ADAM9: variants seen among roughly 807,000 people sequenced by gnomAD.
ADAM9 encodes the protein disintegrin and metalloproteinase domain-containing protein 9.
Under a neutral mutation model 108.1 loss-of-function variants are expected in ADAM9, and 54 were observed. The ratio of observed to expected loss-of-function variants is 0.50; its 90% CI spans 0.40 to 0.63. The LOEUF is 0.63. Among genes scored for constraint, ADAM9 ranks in the 20% least tolerant of loss-of-function variants. The pLI, the probability that ADAM9 is intolerant of heterozygous loss-of-function variation, is 0.00. For missense variants in ADAM9, 830 were observed against 997.7 expected, an observed-to-expected ratio of 0.83 and a Z score of 2.26; for synonymous variants, 316 against 336.0, an observed-to-expected ratio of 0.94 and a Z score of 0.65.
At chr8:39,084,596 A>T (rs866147474) in intron 18 of ADAM9, among the ~76,000 whole-genome samples, 13 of 148,064 alleles carry the variant, frequency 8.8e-5, no homozygotes, top group South Asian at 2.1e-4. Context: ...TTTTTTTTTT[A>T]AACTTGTCTT....
chr8:39,045,218 A>G lies in ADAM9; in HGVS notation c.1302+3101A>G, dbSNP rs564911934. Among the ~76,000 whole-genome samples, 193 of 144,610 alleles carry G rather than the reference A, an allele frequency of 1.3e-3. 19 individuals carry two copies. Among genetic ancestry groups the G allele is most frequent in the Non-Finnish European group, 2.5e-3 (163 of 64,698 alleles). 94.9% of individuals were successfully genotyped at this position (144,610 alleles called of 152,430 possible). A position where few individuals can be genotyped will look rare whatever the true frequency, so the allele number is the denominator to read the frequency against. On this transcript the variant is annotated intron_variant, in intron 12 of 21. Coordinates refer to ENST00000487273, the MANE Select transcript of ADAM9 (RefSeq NM_003816.3). ...TATATGTGTATATATGTGTATACAT[A>G]CATATATGTGTATATATGTGTATAC...
At chr8:39,030,156 A>G (rs750097228) in intron 11 of ADAM9, among the ~76,000 whole-genome samples, 3 of 152,160 alleles carry the variant, frequency 2.0e-5, no homozygotes, top group Non-Finnish European at 4.4e-5. Flanking sequence ...TGTGCATTCT[A>G]TGGGTATGAA....
At chr8:39,057,909 A>G (rs1054736834) in intron 14 of ADAM9, among the ~76,000 whole-genome samples, 1 of 152,126 alleles carries the variant, frequency 6.6e-6, no homozygotes, top group Non-Finnish European at 1.5e-5. Flanking sequence ...GGTAAAATTA[A>G]CCCTCATCAA....
At chr8:39,064,415 C>T (rs779810047) in intron 14 of ADAM9, among the ~76,000 whole-genome samples, 29 of 152,128 alleles carry the variant, frequency 1.9e-4, no homozygotes, top group Non-Finnish European at 3.4e-4. Flanking sequence ...TGGATATATA[C>T]ATATTATATA....
intron 15 of ADAM9, among the ~76,000 whole-genome samples, chr8:39,072,439 CT>C (rs1440329178): frequency 7.2e-5 from 11 of 152,218 alleles, no homozygotes; most frequent in African/African-American, 2.7e-4. Context: ...AGTACTTGAC[CT>C]GTCAGTAGCA....
chr8:39,039,911 C>T (rs1214154094), intron 11 of ADAM9, among the ~76,000 whole-genome samples: 4 of 152,140 alleles, frequency 2.6e-5, no homozygotes, highest in African/African-American at 9.7e-5. Flanking sequence ...ATTGCTGGGT[C>T]ATATGATAGT....
At chr8:39,067,470 C>T (rs1376863854) in intron 14 of ADAM9, among the ~76,000 whole-genome samples, 1 of 152,138 alleles carries the variant, frequency 6.6e-6, no homozygotes, top group Non-Finnish European at 1.5e-5. Context: ...TCCTTCACAT[C>T]CCTTGTAAGT....
At chr8:39,048,554 T>G (rs1373190932) in intron 12 of ADAM9, among the ~76,000 whole-genome samples, 1 of 152,198 alleles carries the variant, frequency 6.6e-6, no homozygotes, top group African/African-American at 2.4e-5. Flanking sequence ...CTGCCACTGT[T>G]GGGTAGAATG....
chr8:39,039,749 C>A (rs1394499994), intron 11 of ADAM9, among the ~76,000 whole-genome samples: 3 of 152,178 alleles, frequency 2.0e-5, no homozygotes, highest in Non-Finnish European at 4.4e-5. Flanking sequence ...TGAATAATTA[C>A]CAGTCTTATA....
chr8:39,101,933 CAG>C lies in ADAM9; in HGVS notation c.2366+5_2366+6del. 2 of 1,612,418 alleles carry C rather than the reference CAG, an allele frequency of 1.2e-6. No individual in the cohort carries two copies. The highest frequency in any genetic ancestry group is 1.7e-6 in the Non-Finnish European group (2 of 1,178,656). Reference sequence around the variant, plus strand: ...CAACCTCAGCAGTTCCCATCAAGGTCAGAAGAAAATTTGCTTAGATTTTTTGG... The same window carrying C: ...CAACCTCAGCAGTTCCCATCAAGGTCAAGAAAATTTGCTTAGATTTTTTGG... On this transcript the variant is annotated splice_donor_5th_base_variant and intron_variant, in intron 21 of 21. Coordinates refer to ENST00000487273, the MANE Select transcript of ADAM9 (RefSeq NM_003816.3).
At position 39,054,461 on chromosome 8, in the gene ADAM9, C is replaced by T; in HGVS notation, c.1303-20C>T. ...TGTCAATTACTAATTTCTTTATTGACAGTCATTTTATGTTCACAGGAATGT... is the reference window on the plus strand; with the variant it reads ...TGTCAATTACTAATTTCTTTATTGATAGTCATTTTATGTTCACAGGAATGT... On this transcript the variant is annotated intron_variant, in intron 12 of 21. Transcript: ENST00000487273. The T allele has an allele frequency of 6.3e-7, 1 of 1,598,560 alleles. No individual in the cohort carries two copies. Among genetic ancestry groups the T allele is most frequent in the South Asian group, 1.1e-5 (1 of 90,744 alleles).
chr8:39,070,171 A>T (rs900405557), intron 14 of ADAM9, among the ~76,000 whole-genome samples: 1 of 151,734 alleles, frequency 6.6e-6, no homozygotes, highest in African/African-American at 2.4e-5. Flanking sequence ...AAAAAAAAAA[A>T]AAGCTAAAAT....
intron 6 of ADAM9, chr8:39,018,488 G>C (rs1370502793): frequency 3.9e-6 from 1 of 256,014 alleles, no homozygotes; most frequent in African/African-American, 2.3e-5. Context: ...TTGCATGTGT[G>C]TGTGTGTGTA....
intron 1 of ADAM9, among the ~76,000 whole-genome samples, chr8:39,003,062 G>C (rs1171919677): frequency 6.6e-6 from 1 of 152,138 alleles, no homozygotes; most frequent in African/African-American, 2.4e-5. Context: ...GTTTTGTAGA[G>C]GCAGGGTTTC....
At chr8:39,033,816 T>C (rs1445044031) in intron 11 of ADAM9, among the ~76,000 whole-genome samples, 1 of 152,200 alleles carries the variant, frequency 6.6e-6, no homozygotes, top group African/African-American at 2.4e-5. Context: ...ATCTACCATC[T>C]TATATCTCCT....
intron 15 of ADAM9, among the ~76,000 whole-genome samples, chr8:39,072,531 CT>C (rs1413866578): frequency 1.3e-5 from 2 of 152,174 alleles, no homozygotes; most frequent in Non-Finnish European, 2.9e-5. Context: ...TTCTTCTCCC[CT>C]GACCCCATGT....
chr8:39,062,201 G>A lies in ADAM9; in HGVS notation c.1591+6429G>A, dbSNP rs1588398652. The stretch of plus-strand genomic sequence containing the variant: ...CACAAACGTTCAGTATATAACCATT[G>A]CCCTGGTAAAAGCCATAGGTCCCTT... On this transcript the variant is annotated intron_variant, in intron 14 of 21. Transcript: ENST00000487273. Among the ~76,000 whole-genome samples the A allele has an allele frequency of 2.0e-5, 3 of 152,120 alleles. No individual in the cohort carries two copies. The East Asian group carries it at 5.8e-4, about 29-fold the overall frequency.
intron 20 of ADAM9, among the ~76,000 whole-genome samples, chr8:39,093,625 T>C (rs1226548530): frequency 6.6e-6 from 1 of 152,218 alleles, no homozygotes; most frequent in Non-Finnish European, 1.5e-5. Flanking sequence ...TAGTACTATA[T>C]TGAGTAGAAG....
chr8:39,032,791 G>A (rs575462211), intron 11 of ADAM9, among the ~76,000 whole-genome samples: 1 of 152,254 alleles, frequency 6.6e-6, no homozygotes, highest in East Asian at 1.9e-4. Context: ...GTTCCTATTC[G>A]GCCATCTTGG....
Sources: allele counts gnomAD v4.1 joint callset (sites outside exome capture counted in the v4.1 genomes callset), GRCh38; gene constraint gnomAD v4.1.1; transcripts MANE v1.5; gene names NCBI Gene and HGNC (gene_info 2026-07-23, HGNC 2026-07-21).